Variants in RCBTB1 observed in about 807,000 individuals in gnomAD.
RCBTB1 encodes RCC1 and BTB domain containing protein 1, also known as RCC1 and BTB domain-containing protein 1.
RCBTB1 carries 46 observed loss-of-function variants against 62.4 expected under a neutral mutation model. That is an observed-to-expected ratio of 0.74 (90% confidence interval 0.58 to 0.94). The LOEUF (loss-of-function observed/expected upper bound fraction) is 0.94, where lower values mean the gene tolerates loss of function less well. RCBTB1 is among the 40% of genes least tolerant of loss of function. RCBTB1 has a pLI of 0.00. For missense variants in RCBTB1, 565 were observed against 654.9 expected (o/e 0.86, Z 1.50); for synonymous variants, 222 against 245.8 (o/e 0.90, Z 0.91).
At chr13:49,565,472 G>A (rs61961400) in intron 4 of RCBTB1, among the ~76,000 whole-genome samples, 8,509 of 150,776 alleles carry the variant, frequency 0.056, 291 homozygotes, top group South Asian at 0.11. Flanking sequence ...CTGCCTGGCC[G>A]CCCATGGTCT....
intron 5 of RCBTB1, among the ~76,000 whole-genome samples, chr13:49,557,497 A>G (rs1175534891): frequency 6.6e-6 from 1 of 152,146 alleles, no homozygotes; most frequent in African/African-American, 2.4e-5. Flanking sequence ...TATTTTTTCC[A>G]AACTCATTAC....
At chr13:49,560,248 G>A (rs1423366506) in intron 4 of RCBTB1, among the ~76,000 whole-genome samples, 164 bp from the exon 5 acceptor site, 1 of 152,140 alleles carries the variant, frequency 6.6e-6, no homozygotes, top group Non-Finnish European at 1.5e-5. Flanking sequence ...GAGAGAGATG[G>A]GTGACAGAAC....
At chr13:49,551,554 G>C in intron 7 of RCBTB1, 86 bp from the exon 8 acceptor site, 1 of 1,440,672 alleles carries the variant, frequency 6.9e-7, no homozygotes, top group Non-Finnish European at 9.5e-7. Context: ...GCCAGCTTCT[G>C]CAGAATGCCA....
chr13:49,573,059 G>A (rs905468342), intron 2 of RCBTB1, among the ~76,000 whole-genome samples: 5 of 152,042 alleles, frequency 3.3e-5, no homozygotes, highest in Non-Finnish European at 2.9e-5. Context: ...CACCCCCCAA[G>A]GAAGCATCCC....
chr13:49,548,388 CAA>C (rs1289018692), intron 9 of RCBTB1, among the ~76,000 whole-genome samples: 11 of 80,258 alleles, frequency 1.4e-4, no homozygotes, highest in Admixed American at 1.3e-4. Flanking sequence ...GACTCCGTCT[CAA>C]AAAAAAAAAA....
chr13:49,581,348 T>C lies in RCBTB1; in HGVS notation c.-121-764A>G, dbSNP rs138715361. 7.2e-3 allele frequency among the ~76,000 whole-genome samples: 1,093 copies of C among 152,300 alleles called. 9 individuals are homozygous for C. Among genetic ancestry groups the C allele is most frequent in the Middle Eastern group, 0.017 (5 of 294 alleles). On this transcript the variant is annotated intron_variant, in intron 1 of 12. Coordinates refer to ENST00000378302, the MANE Select transcript of RCBTB1 (RefSeq NM_018191.4). ...GCTGAATGGGACAAGGAGCACTGGA[T>C]AAGCAGAAAGGCAGAGCCGAAGATC...
intron 4 of RCBTB1, among the ~76,000 whole-genome samples, 173 bp from the exon 5 acceptor site, chr13:49,560,257 A>G (rs1338133348): frequency 6.6e-6 from 1 of 152,200 alleles, no homozygotes; most frequent in East Asian, 1.9e-4. Flanking sequence ...GGGTGACAGA[A>G]CGGGATAGAC....
At position 49,566,737 on chromosome 13, in the gene RCBTB1, C is replaced by G. The variant is rs775159781; in HGVS notation, c.158G>C (p.Cys53Ser). Residue 53 changes from cysteine (C) to serine (S), a missense_variant, in exon 4 of 13, where the codon TGT becomes TCT. Physicochemically the swap from Cys to Ser is moderately radical, Grantham distance 112. Coordinates refer to ENST00000378302, the MANE Select transcript of RCBTB1 (RefSeq NM_018191.4). ...VFVFGLNYSNCLGTGDNQSTL... is the reference protein window; with the variant it reads ...VFVFGLNYSNSLGTGDNQSTL... The stretch of plus-strand genomic sequence containing the variant: ...ACTCTGGTTATCTCCAGTTCCTAGA[C>G]AGTTACTATAGTTCAGTCCAAATAC... The G allele has an allele frequency of 1.2e-6, 2 of 1,613,908 alleles. No individual in the cohort carries two copies. The highest frequency in any genetic ancestry group is 2.2e-5 in the South Asian group (2 of 91,012).
intron 2 of RCBTB1, among the ~76,000 whole-genome samples, 175 bp from the exon 3 acceptor site, chr13:49,567,495 CAA>C (rs1012477261): frequency 3.9e-4 from 60 of 152,358 alleles, no homozygotes; most frequent in Non-Finnish European, 6.3e-4. Context: ...CCTCCACCTT[CAA>C]ACCCCGGACT....
At chr13:49,573,010 C>T (rs1240811021) in intron 2 of RCBTB1, among the ~76,000 whole-genome samples, 1 of 152,136 alleles carries the variant, frequency 6.6e-6, no homozygotes, top group Non-Finnish European at 1.5e-5. Context: ...GCCCAACTCT[C>T]TTCCTTCCCA....
intron 9 of RCBTB1, among the ~76,000 whole-genome samples, chr13:49,546,626 T>C (rs1960805211): frequency 6.6e-6 from 1 of 151,938 alleles, no homozygotes; most frequent in Admixed American, 6.6e-5. Context: ...CATCTGGGGG[T>C]GATGGGAGAC....
chr13:49,563,462 A>G (rs1002699252), intron 4 of RCBTB1, among the ~76,000 whole-genome samples: 1 of 151,882 alleles, frequency 6.6e-6, no homozygotes, highest in African/African-American at 2.4e-5. Flanking sequence ...CGGGAGTTCA[A>G]GATCAGCCTG....
At position 49,551,695 on chromosome 13, in the gene RCBTB1, T is replaced by C. The variant is rs954540413; in HGVS notation, c.712-227A>G. ...GCAGGCAGATCACAAGGTCAGGAGA[T>C]TGAGACCATCCTGGCTAACACGGTG... On this transcript the variant is annotated intron_variant, in intron 7 of 12. Transcript: ENST00000378302. Among the ~76,000 whole-genome samples the C allele has an allele frequency of 4.6e-5, 7 of 152,282 alleles. No individual in the cohort carries two copies. The South Asian group carries it at 6.2e-4, about 14-fold the overall frequency.
chr13:49,541,022 G>A lies in RCBTB1; in HGVS notation c.1325-16C>T. 2 of 1,606,610 alleles carry A rather than the reference G, an allele frequency of 1.2e-6. No individual in the cohort carries two copies. The highest frequency in any genetic ancestry group is 8.5e-7 in the Non-Finnish European group (1 of 1,178,018). Reference sequence around the variant, plus strand: ...TCCAGAAGACCTAAAAGTAAAATATGTGAAAGGTTTAATCAAATGTATAAT... The same window carrying A: ...TCCAGAAGACCTAAAAGTAAAATATATGAAAGGTTTAATCAAATGTATAAT... On this transcript the variant is annotated splice_polypyrimidine_tract_variant and intron_variant, in intron 11 of 12. Transcript: ENST00000378302.
At chr13:49,576,783 T>C (rs566684395) in intron 2 of RCBTB1, among the ~76,000 whole-genome samples, 5 of 152,164 alleles carry the variant, frequency 3.3e-5, no homozygotes, top group African/African-American at 1.2e-4. Context: ...AAAAACAATA[T>C]TAATGTGTTG....
rs75247037 is a variant in RCBTB1 at position 49,552,673 on chromosome 13, A to G, written c.604-388T>C. On this transcript the variant is annotated intron_variant, in intron 6 of 12. Coordinates refer to ENST00000378302, the MANE Select transcript of RCBTB1 (RefSeq NM_018191.4). ...GCTGATGGGTAGCAAGTGCTACAAT[A>G]GGTATAATCAAGGCGCTGCAGAACA... 5.6e-3 allele frequency among the ~76,000 whole-genome samples: 846 copies of G among 152,270 alleles called. 11 individuals are homozygous for G. The highest frequency in any genetic ancestry group is 0.019 in the African/African-American group (807 of 41,548).
chr13:49,564,583 CAAAAAAAAA>C (rs10710755), intron 4 of RCBTB1, among the ~76,000 whole-genome samples: 12 of 39,316 alleles, frequency 3.1e-4, no homozygotes, highest in East Asian at 2.5e-3. Context: ...GACTCCTTCT[CAAAAAAAAA>C]AAAAAAAAAA....
At chr13:49,536,585 C>T (rs916969539) in intron 12 of RCBTB1, among the ~76,000 whole-genome samples, 4 of 152,174 alleles carry the variant, frequency 2.6e-5, no homozygotes, top group Non-Finnish European at 5.9e-5. Context: ...CTTCTTACTT[C>T]TAACTGGGCT....
chr13:49,562,390 G>A (rs1162904415), intron 4 of RCBTB1, among the ~76,000 whole-genome samples: 1 of 151,836 alleles, frequency 6.6e-6, no homozygotes, highest in Non-Finnish European at 1.5e-5. Context: ...ACTTTTGGAA[G>A]CTGAGGTGGG....
Sources: allele counts gnomAD v4.1 joint callset (sites outside exome capture counted in the v4.1 genomes callset), GRCh38; gene constraint gnomAD v4.1.1; transcripts MANE v1.5; gene names NCBI Gene and HGNC (gene_info 2026-07-23, HGNC 2026-07-21).